Variants in CNBD1 observed in about 807,000 individuals in gnomAD.
The protein encoded by CNBD1 is cyclic nucleotide binding domain containing 1.
In CNBD1, 71 loss-of-function variants were observed where a neutral mutation model predicts 54.4. The ratio of observed to expected loss-of-function variants is 1.30; its 90% confidence interval spans 1.08 to 1.59. The LOEUF is 1.59. Among genes scored for constraint, CNBD1 ranks in the 40% most tolerant of loss-of-function variants. The pLI, the probability that CNBD1 is intolerant of heterozygous loss-of-function variation, is 0.00. For missense variants in CNBD1, 659 were observed against 518.0 expected (o/e 1.27, Z -2.64); for synonymous variants, 182 against 170.7 (o/e 1.07, Z -0.51).
rs2130687545 is a variant in CNBD1, at chr8:87,096,788, T to C, written c.432-109205T>C. Among the ~76,000 whole-genome samples, 2 of 150,520 alleles carry C rather than the reference T, an allele frequency of 1.3e-5. 1 individual carries two copies. Among genetic ancestry groups the C allele is most frequent in the East Asian group, 3.9e-4 (2 of 5,142 alleles). On this transcript the variant is annotated intron_variant, in intron 4 of 10. Coordinates refer to ENST00000518476, the MANE Select transcript of CNBD1 (RefSeq NM_173538.3). ...TGAGAGGCTTTGCTGCTTCTGACTC[T>C]GCTCATTTTTCTTCCCTTTTTTTTT...
At chr8:87,333,848 G>T (rs1186862425) in intron 8 of CNBD1, among the ~76,000 whole-genome samples, 1 of 152,104 alleles carries the variant, frequency 6.6e-6, no homozygotes, top group African/African-American at 2.4e-5. Context: ...TTGTGTTCCT[G>T]CCAGGTTTTG....
intron 2 of CNBD1, among the ~76,000 whole-genome samples, chr8:87,421,591 C>A (rs1205366603): frequency 6.6e-6 from 1 of 152,056 alleles, no homozygotes; most frequent in African/African-American, 2.4e-5. Flanking sequence ...CATGTCCCTA[C>A]AAAGGACATG....
intron 4 of CNBD1, among the ~76,000 whole-genome samples, chr8:87,177,688 A>G (rs1296001887): frequency 6.6e-6 from 1 of 152,164 alleles, no homozygotes; most frequent in Admixed American, 6.5e-5. Context: ...TTTTACCCAG[A>G]AGTTCTAACT....
At chr8:87,134,576 C>G (rs2130730266) in intron 4 of CNBD1, among the ~76,000 whole-genome samples, 2 of 138,940 alleles carry the variant, frequency 1.4e-5, no homozygotes, top group Middle Eastern at 8.6e-3. Context: ...TCAGATTCAC[C>G]TTTGTTAATT....
chr8:87,415,337 G>T (rs559867168), intron 2 of CNBD1, among the ~76,000 whole-genome samples: 2 of 152,000 alleles, frequency 1.3e-5, no homozygotes, highest in Non-Finnish European at 2.9e-5. Context: ...TGCTGCTGCT[G>T]GTCTGAGCAC....
At chr8:87,359,941 T>C (rs1363600254) in intron 10 of CNBD1, among the ~76,000 whole-genome samples, 1 of 152,062 alleles carries the variant, frequency 6.6e-6, no homozygotes, top group Non-Finnish European at 1.5e-5. Flanking sequence ...TTATGTTGCC[T>C]TCACTTTCTA....
intron 4 of CNBD1, among the ~76,000 whole-genome samples, chr8:86,942,429 A>G (rs1041288445): frequency 6.6e-6 from 1 of 152,210 alleles, no homozygotes; most frequent in African/African-American, 2.4e-5. Context: ...TTTCTGGAGC[A>G]TAGGATCCTC....
chr8:87,203,206 T>C (rs1051461089), intron 4 of CNBD1, among the ~76,000 whole-genome samples: 1 of 152,224 alleles, frequency 6.6e-6, no homozygotes. Flanking sequence ...CACATAGTGT[T>C]ATAAATTTGT....
chr8:87,426,459 C>T (rs554467926), intron 2 of CNBD1, among the ~76,000 whole-genome samples: 1 of 152,174 alleles, frequency 6.6e-6, no homozygotes, highest in East Asian at 1.9e-4. Context: ...GATGTTCCTA[C>T]AGTTTCACAA....
At chr8:87,275,200 G>T (rs975699295) in intron 6 of CNBD1, among the ~76,000 whole-genome samples, 15 of 141,754 alleles carry the variant, frequency 1.1e-4, no homozygotes, top group Admixed American at 1.0e-3. Context: ...TTTGAAGTCT[G>T]GTAGTGTGAT....
chr8:87,147,515 T>C (rs1812514668), intron 4 of CNBD1, among the ~76,000 whole-genome samples: 1 of 152,104 alleles, frequency 6.6e-6, no homozygotes, highest in Non-Finnish European at 1.5e-5. Context: ...GAATTTAAAA[T>C]ATATATATTT....
At chr8:86,931,092 T>C (rs1310893514) in intron 3 of CNBD1, among the ~76,000 whole-genome samples, 1 of 152,148 alleles carries the variant, frequency 6.6e-6, no homozygotes, top group Non-Finnish European at 1.5e-5. Flanking sequence ...CTTTCAGGCA[T>C]AACAAGAAAG....
At chr8:87,334,557 C>G (rs1425619209) in intron 8 of CNBD1, among the ~76,000 whole-genome samples, 1 of 134,772 alleles carries the variant, frequency 7.4e-6, no homozygotes, top group African/African-American at 3.1e-5. Context: ...AGCTGCATCT[C>G]AGAGATTCTG....
intron 4 of CNBD1, among the ~76,000 whole-genome samples, chr8:87,199,549 T>C (rs187341345): frequency 1.9e-3 from 282 of 152,332 alleles, no homozygotes; most frequent in Non-Finnish European, 2.4e-3. Context: ...ACACTTCACA[T>C]AAAATCTGCC....
intron 4 of CNBD1, among the ~76,000 whole-genome samples, chr8:87,176,652 A>AT (rs1254470877): frequency 0.2 from 27,608 of 134,846 alleles, 3,010 homozygotes; most frequent in Admixed American, 0.28. Flanking sequence ...GCCCGGCTAA[A>AT]TTTTTTTTTT....
chr8:86,991,940 G>T (rs1296901789), intron 4 of CNBD1, among the ~76,000 whole-genome samples: 1 of 152,082 alleles, frequency 6.6e-6, no homozygotes, highest in Non-Finnish European at 1.5e-5. Context: ...GCATGTAGTT[G>T]ATCTTAGAAT....
intron 8 of CNBD1, among the ~76,000 whole-genome samples, chr8:87,350,018 G>A (rs184225177): frequency 6.6e-6 from 1 of 151,998 alleles, no homozygotes; most frequent in South Asian, 2.1e-4. Flanking sequence ...GGATTTCTTT[G>A]GTACATGTTT....
At chr8:87,069,491 G>T (rs1380296787) in intron 4 of CNBD1, among the ~76,000 whole-genome samples, 2 of 152,036 alleles carry the variant, frequency 1.3e-5, no homozygotes, top group African/African-American at 4.8e-5. Context: ...TGATATACAG[G>T]TTTATAGTCC....
intron 2 of CNBD1, among the ~76,000 whole-genome samples, chr8:86,898,424 T>G (rs1399038941): frequency 1.3e-5 from 2 of 152,138 alleles, no homozygotes; most frequent in African/African-American, 2.4e-5. Context: ...GATTCAAGAC[T>G]TACTATAAAG....
Sources: gnomAD v4.1 joint callset for allele counts (sites outside exome capture counted in the v4.1 genomes callset) on GRCh38, gnomAD v4.1.1 for gene constraint, MANE v1.5 for transcripts, NCBI Gene and HGNC (gene_info 2026-07-23, HGNC 2026-07-21) for gene names.